The following ADAM12 variants were observed in gnomAD, a reference collection of about 807,000 sequenced individuals.
ADAM12 encodes the protein disintegrin and metalloproteinase domain-containing protein 12.
ADAM12 carries 70 observed loss-of-function variants against 106.4 expected under a neutral mutation model. That is an observed-to-expected ratio of 0.66 (90% CI 0.54 to 0.80). ADAM12 has a LOEUF of 0.80. Ranked by LOEUF, ADAM12 falls within the 30% of genes least tolerant of loss-of-function variation. The probability of loss-of-function intolerance (pLI) is 0.00; values close to 1 mark genes in which losing one functional copy is unlikely to be tolerated. For missense variants in ADAM12, 1,010 were observed against 1,171.9 expected, an observed-to-expected ratio of 0.86 and a Z score of 2.02; for synonymous variants, 420 against 433.5, an observed-to-expected ratio of 0.97 and a Z score of 0.39.
intron 21 of ADAM12, among the ~76,000 whole-genome samples, chr10:126,027,594 TAAACAGAAC>T (rs1328734789): frequency 6.7e-6 from 1 of 149,946 alleles, no homozygotes; most frequent in Non-Finnish European, 1.5e-5. Flanking sequence ...ATTCATCACA[TAAACAGAAC>T]TAGAGACAAA....
intron 3 of ADAM12, among the ~76,000 whole-genome samples, chr10:126,251,168 T>C (rs1048964276): frequency 5.3e-5 from 8 of 152,222 alleles, no homozygotes; most frequent in Non-Finnish European, 7.3e-5. Flanking sequence ...GCTGAGCGTG[T>C]CCATCGGTTC....
intron 14 of ADAM12, among the ~76,000 whole-genome samples, chr10:126,052,201 C>T (rs1327342237): frequency 6.6e-6 from 1 of 152,182 alleles, no homozygotes; most frequent in East Asian, 1.9e-4. Flanking sequence ...CCCTGCAGCC[C>T]AAGCAACAAC....
At chr10:126,305,430 A>G (rs1003820180) in intron 2 of ADAM12, among the ~76,000 whole-genome samples, 1 of 152,104 alleles carries the variant, frequency 6.6e-6, no homozygotes, top group African/African-American at 2.4e-5. Context: ...CTTTAGTGCT[A>G]TAAAACAGAT....
chr10:126,172,083 TA>T (rs1180273929), intron 3 of ADAM12, among the ~76,000 whole-genome samples: 3 of 152,210 alleles, frequency 2.0e-5, no homozygotes, highest in African/African-American at 7.2e-5. Flanking sequence ...AGTTTCATTT[TA>T]AAAAATACTA....
At chr10:126,346,472 G>A (rs186395133) in intron 1 of ADAM12, among the ~76,000 whole-genome samples, 293 of 152,354 alleles carry the variant, frequency 1.9e-3, no homozygotes, top group Non-Finnish European at 3.4e-3. Context: ...TAAGTGCGAT[G>A]TGGTGCCAAG....
At chr10:126,324,965 ACTG>A (rs1356534314) in intron 2 of ADAM12, among the ~76,000 whole-genome samples, 1 of 151,984 alleles carries the variant, frequency 6.6e-6, no homozygotes, top group Non-Finnish European at 1.5e-5. Context: ...GGTAGCTCTC[ACTG>A]CTATTTTCAC....
intron 2 of ADAM12, among the ~76,000 whole-genome samples, chr10:126,295,765 CT>C (rs1193554103): frequency 6.6e-6 from 1 of 152,100 alleles, no homozygotes; most frequent in Admixed American, 6.5e-5. Flanking sequence ...TGGCCTATTG[CT>C]TGCTGTTAAT....
chr10:126,348,673 C>T (rs1390589602), intron 1 of ADAM12, among the ~76,000 whole-genome samples: 1 of 152,140 alleles, frequency 6.6e-6, no homozygotes, highest in East Asian at 1.9e-4. Context: ...GTCTCTGTGC[C>T]ACGTGGACTT....
chr10:126,019,640 T>G (rs1953724152), intron 22 of ADAM12, 55 bp downstream of exon 22: 13 of 1,588,320 alleles, frequency 8.2e-6, no homozygotes, highest in Non-Finnish European at 1.1e-5. Flanking sequence ...TTAGTCGTGG[T>G]TGGTCCCACA....
intron 3 of ADAM12, among the ~76,000 whole-genome samples, chr10:126,162,309 G>A (rs950080811): frequency 2.6e-5 from 4 of 152,172 alleles, no homozygotes; most frequent in African/African-American, 9.7e-5. Context: ...AATGGGAAAT[G>A]GGGAGGAGAG....
At chr10:126,226,182 G>T (rs1958191132) in intron 3 of ADAM12, among the ~76,000 whole-genome samples, 1 of 149,846 alleles carries the variant, frequency 6.7e-6, no homozygotes, top group Non-Finnish European at 1.5e-5. Context: ...CTGGGGAAAG[G>T]TGGTGGTGGG....
intron 5 of ADAM12, among the ~76,000 whole-genome samples, chr10:126,119,256 G>A (rs1179238450): frequency 3.9e-5 from 6 of 152,156 alleles, no homozygotes; most frequent in Non-Finnish European, 5.9e-5. Context: ...CTGGGTTTGA[G>A]TTCCAGTTTT....
chr10:126,085,949 T>G (rs1332332087), intron 11 of ADAM12, among the ~76,000 whole-genome samples: 3 of 152,114 alleles, frequency 2.0e-5, no homozygotes, highest in African/African-American at 7.2e-5. Flanking sequence ...GAAATAATCC[T>G]TTACCCTACA....
chr10:126,302,470 G>T (rs769889576), intron 2 of ADAM12, among the ~76,000 whole-genome samples: 1 of 152,196 alleles, frequency 6.6e-6, no homozygotes, highest in Non-Finnish European at 1.5e-5. Flanking sequence ...GGCAAAAACA[G>T]AAATGATGAC....
chr10:126,270,697 T>C (rs1959170593), intron 3 of ADAM12, among the ~76,000 whole-genome samples: 1 of 152,108 alleles, frequency 6.6e-6, no homozygotes, highest in South Asian at 2.1e-4. Context: ...GCGCTCCAGG[T>C]GGTCCTGATG....
chr10:126,346,621 G>A (rs1025165595), intron 1 of ADAM12, among the ~76,000 whole-genome samples: 3 of 152,124 alleles, frequency 2.0e-5, no homozygotes, highest in African/African-American at 7.2e-5. Flanking sequence ...TGACAGTGGG[G>A]TGTTAAAGTC....
At chr10:126,295,351 C>A (rs116260169) in intron 2 of ADAM12, among the ~76,000 whole-genome samples, 2,104 of 152,246 alleles carry the variant, frequency 0.014, 48 homozygotes, top group African/African-American at 0.047. Context: ...AGGGATGGCA[C>A]ATAAGAAGCA....
At chr10:126,237,732 C>A (rs890424642) in intron 3 of ADAM12, among the ~76,000 whole-genome samples, 1 of 152,180 alleles carries the variant, frequency 6.6e-6, no homozygotes, top group African/African-American at 2.4e-5. Context: ...CACACGCTGA[C>A]AATCAGCCCA....
Position 126,128,708 on chromosome 10 carries a change from A to G in ADAM12, c.416+6876T>C, listed in dbSNP as rs368506849. Among the ~76,000 whole-genome samples the G allele has an allele frequency of 1.5e-3, 180 of 123,190 alleles. 1 individual carries two copies. In the East Asian group the frequency reaches 0.037, roughly 25 times the overall value. The allele number at this position is 123,190 out of a possible 152,430, so 80.8% of individuals were successfully genotyped here. On this transcript the variant is annotated intron_variant, in intron 5 of 22. Coordinates refer to ENST00000448723, the MANE Select transcript of ADAM12 (RefSeq NM_001288973.2). ...GTGGTGTGTGTGTGGGAATGTGTGCAAGTGGGCGCCTGTGCGAGTGTGTGG... is the reference window on the plus strand; with the variant it reads ...GTGGTGTGTGTGTGGGAATGTGTGCGAGTGGGCGCCTGTGCGAGTGTGTGG...
Sources: gnomAD v4.1 joint callset for allele counts (sites outside exome capture counted in the v4.1 genomes callset) on GRCh38, gnomAD v4.1.1 for gene constraint, MANE v1.5 for transcripts, NCBI Gene and HGNC (gene_info 2026-07-23, HGNC 2026-07-21) for gene names.